The following DZIP1 variants were observed in gnomAD, a reference collection of about 807,000 sequenced individuals.
The protein encoded by DZIP1 is cilium assembly protein DZIP1.
A neutral mutation model predicts 107.6 loss-of-function variants in DZIP1; 97 were observed. The observed-to-expected ratio is 0.90, with a 90% CI of 0.77 to 1.07. DZIP1 has a LOEUF of 1.07. Among genes scored for constraint, DZIP1 ranks in the 50% least tolerant of loss-of-function variants. The probability of loss-of-function intolerance (pLI) is 0.00; values close to 1 mark genes in which losing one functional copy is unlikely to be tolerated. For synonymous variants in DZIP1, 390 were observed against 386.4 expected, an observed-to-expected ratio of 1.01 and a Z score of -0.11; for missense variants, 1,035 against 1,063.6, an observed-to-expected ratio of 0.97 and a Z score of 0.37.
Position 95,630,067 on chromosome 13 carries a change from G to T in DZIP1, c.732C>A (p.Val244=). ...AQIEKLRSEI[V]VLKEELQLTR... ...TGAGCTGCAGCTCTTCCTTCAATAC[G>T]ACGATCTCACTCCGGAGCTTCTCAA... The change falls in exon 7 of 23, where the codon GTC becomes GTA. Residue 244 remains valine (V), a synonymous_variant. Transcript: ENST00000376829. The T allele has an allele frequency of 6.2e-7, 1 of 1,613,766 alleles. No individual in the cohort carries two copies. Among genetic ancestry groups the T allele is most frequent in the South Asian group, 1.1e-5 (1 of 91,002 alleles).
intron 7 of DZIP1, among the ~76,000 whole-genome samples, chr13:95,625,927 A>G (rs1876491563): frequency 1.3e-5 from 2 of 151,964 alleles, no homozygotes; most frequent in South Asian, 4.2e-4. Flanking sequence ...GTTTGAGACC[A>G]TCCTGGGAAA....
intron 15 of DZIP1, among the ~76,000 whole-genome samples, chr13:95,595,017 C>A (rs2044406401): frequency 6.6e-6 from 1 of 152,214 alleles, no homozygotes; most frequent in South Asian, 2.1e-4. Context: ...CCCTTACTGA[C>A]TGTCAAAAGC....
chr13:95,632,663 A>G (rs1285601340), intron 6 of DZIP1, among the ~76,000 whole-genome samples: 1 of 152,106 alleles, frequency 6.6e-6, no homozygotes, highest in Non-Finnish European at 1.5e-5. Flanking sequence ...CCTTACGCAT[A>G]TAAAAACTCC....
intron 22 of DZIP1, 28 bp downstream of exon 22, chr13:95,584,708 G>A (rs1282757314): frequency 6.3e-7 from 1 of 1,591,238 alleles, no homozygotes; most frequent in Admixed American, 1.8e-5. Flanking sequence ...AATGGATCGA[G>A]CTTGTATTAG....
chr13:95,586,969 C>A (rs2044176606), intron 20 of DZIP1, among the ~76,000 whole-genome samples: 1 of 152,136 alleles, frequency 6.6e-6, no homozygotes, highest in Admixed American at 6.5e-5. Flanking sequence ...TGACTTGTGT[C>A]CCTCTAAATT....
chr13:95,642,016 G>T lies in DZIP1; in HGVS notation c.14C>A (p.Ala5Glu). 1 of 1,576,688 alleles carries T rather than the reference G, an allele frequency of 6.3e-7. No individual in the cohort carries two copies. Among genetic ancestry groups the T allele is most frequent in the South Asian group, 1.1e-5 (1 of 88,442 alleles). ...TACCATGCTTGAAAACCAATCCGCT[G>T]CCTCAGCTTGCATAGGAGGAGCCGG... Reference protein sequence around the residue: MQAEAADWFSSMPFQ... With the variant: MQAEEADWFSSMPFQ... Residue 5 changes from alanine (A) to glutamate (E), a missense_variant, in exon 4 of 23, where the codon GCA becomes GAA. Transcript: ENST00000376829.
intron 11 of DZIP1, 70 bp downstream of exon 11, chr13:95,611,967 T>C: frequency 6.4e-7 from 1 of 1,553,648 alleles, no homozygotes; most frequent in Non-Finnish European, 8.7e-7. Context: ...TGCTCTAAAG[T>C]AAAAACACAT....
chr13:95,613,217 G>A (rs76592371), intron 10 of DZIP1, among the ~76,000 whole-genome samples: 15 of 152,092 alleles, frequency 9.9e-5, no homozygotes, highest in African/African-American at 1.4e-4. Flanking sequence ...AGAAACAAAG[G>A]GGGGGCGGCT....
intron 8 of DZIP1, 73 bp from the exon 9 acceptor site, chr13:95,622,553 A>T: frequency 6.4e-7 from 1 of 1,568,944 alleles, no homozygotes; most frequent in Non-Finnish European, 8.7e-7. Flanking sequence ...AAAATCAGGG[A>T]GCACATAGCT....
chr13:95,611,997 T>C, intron 11 of DZIP1, 40 bp downstream of exon 11: 1 of 1,603,152 alleles, frequency 6.2e-7, no homozygotes, highest in Non-Finnish European at 8.5e-7. Context: ...TAGACTGCGT[T>C]GCTTAAAGAA....
chr13:95,579,189 A>T lies in DZIP1; in HGVS notation c.*3045T>A, dbSNP rs1048379007. 6 of 152,250 alleles carry T rather than the reference A, an allele frequency of 3.9e-5. No homozygotes were observed. The highest frequency in any genetic ancestry group is 6.5e-5 in the Admixed American group (1 of 15,284). The allele number at this position is 152,250 out of a possible 1,614,324, so 9.4% of individuals were successfully genotyped here. A position where few individuals can be genotyped will look rare whatever the true frequency, so the allele number is the denominator to read the frequency against. The stretch of plus-strand genomic sequence containing the variant: ...AGCCCAAGTGGTACGTGCCTCACTC[A>T]GAACTGACGGGCCGAGTTCTATCTA... On this transcript the variant is annotated 3_prime_UTR_variant, in exon 23 of 23. Coordinates refer to ENST00000376829, the MANE Select transcript of DZIP1 (RefSeq NM_198968.4).
intron 12 of DZIP1, among the ~76,000 whole-genome samples, 186 bp from the exon 13 acceptor site, chr13:95,609,699 C>T (rs890806457): frequency 3.3e-5 from 5 of 152,162 alleles, no homozygotes; most frequent in Non-Finnish European, 5.9e-5. Flanking sequence ...CCCAGAATTA[C>T]TTTTCAGTCA....
chr13:95,641,399 T>C lies in DZIP1; in HGVS notation c.493A>G (p.Lys165Glu), dbSNP rs1473221356. The change falls in exon 5 of 23, where the codon AAG becomes GAG. Residue 165 changes from lysine to glutamate, a missense_variant. Coordinates refer to ENST00000376829, the MANE Select transcript of DZIP1 (RefSeq NM_198968.4). The surrounding 1 kb of genome is among the most constrained non-coding windows in gnomAD (Gnocchi z 4.3). Reference protein sequence around the residue: ...DGEQSKKLLTKQAGEIKTLKE... With the variant: ...DGEQSKKLLTEQAGEIKTLKE... ...AGCGTCTTGATCTCCCCCGCCTGCTTGGTGAGCAGCTTCTTGCTCTGCTCG... is the reference window on the plus strand; with the variant it reads ...AGCGTCTTGATCTCCCCCGCCTGCTCGGTGAGCAGCTTCTTGCTCTGCTCG... 1 of 1,614,036 alleles carries C rather than the reference T, an allele frequency of 6.2e-7. No individual in the cohort carries two copies. Among genetic ancestry groups the C allele is most frequent in the African/African-American group, 1.3e-5 (1 of 74,934 alleles).
In DZIP1 at chr13:95,643,205, A is replaced by G. The variant is rs989386231; in HGVS notation, c.-375T>C. 6.6e-6 allele frequency: 1 copy of G among 152,138 alleles called. No homozygotes were observed. Among genetic ancestry groups the G allele is most frequent in the African/African-American group, 2.4e-5 (1 of 41,432 alleles). The allele number at this position is 152,138 out of a possible 1,614,324, so 9.4% of individuals were successfully genotyped here. ...CTGAGGAAAAGCCAGACATTCCCCA[A>G]TCCACCGGGGAATTCCTGCTTGGAC... On this transcript the variant is annotated 5_prime_UTR_variant, in exon 3 of 23. Transcript: ENST00000376829.
chr13:95,593,812 G>A (rs941132311), intron 16 of DZIP1, 132 bp downstream of exon 16: 17 of 1,038,940 alleles, frequency 1.6e-5, no homozygotes, highest in Non-Finnish European at 2.3e-5. Context: ...GATAAATAAA[G>A]TAGGTCACAT....
At chr13:95,587,076 G>A (rs2044178841) in intron 20 of DZIP1, among the ~76,000 whole-genome samples, 1 of 152,192 alleles carries the variant, frequency 6.6e-6, no homozygotes, top group Admixed American at 6.5e-5. Context: ...GGTCATTAGG[G>A]TGGGCCCTAA....
intron 3 of DZIP1, 81 bp from the exon 4 acceptor site, chr13:95,642,322 G>A: frequency 2.8e-6 from 1 of 359,186 alleles, no homozygotes; most frequent in Non-Finnish European, 4.9e-6. Flanking sequence ...CTGGGTACCG[G>A]CTCCCCAGGG....
chr13:95,624,002 G>A (rs1453644732), intron 8 of DZIP1, among the ~76,000 whole-genome samples: 1 of 115,036 alleles, frequency 8.7e-6, no homozygotes, highest in Non-Finnish European at 2.0e-5. Context: ...AAAAACAGGT[G>A]GTATGCTGGA....
intron 5 of DZIP1, among the ~76,000 whole-genome samples, chr13:95,640,865 T>C (rs1878406090): frequency 6.6e-6 from 1 of 152,350 alleles, no homozygotes; most frequent in Non-Finnish European, 1.5e-5. Context: ...TGAAAATTCC[T>C]TACAGTCTCC....
Sources: allele counts gnomAD v4.1 joint callset (sites outside exome capture counted in the v4.1 genomes callset), GRCh38; gene constraint gnomAD v4.1.1; non-coding constraint Gnocchi (gnomAD v3.1); transcripts MANE v1.5; gene names NCBI Gene and HGNC (gene_info 2026-07-23, HGNC 2026-07-21).